Variants in E2F5 observed in about 807,000 individuals in gnomAD.
E2F5 encodes the protein transcription factor E2F5.
Under a neutral mutation model 39.1 loss-of-function variants are expected in E2F5, and 23 were observed. That is an observed-to-expected ratio of 0.59 (90% CI 0.42 to 0.83). E2F5 has a LOEUF of 0.83. Ranked by LOEUF, E2F5 falls within the 40% of genes least tolerant of loss-of-function variation. E2F5 has a pLI of 0.00. For missense variants in E2F5, 365 were observed against 406.7 expected, an observed-to-expected ratio of 0.90 and a Z score of 0.88; for synonymous variants, 145 against 157.8, an observed-to-expected ratio of 0.92 and a Z score of 0.61.
rs375685800 is a variant in E2F5, at chr8:85,186,570, G to GGT, written c.234+8925_234+8926dup. 5.2e-3 allele frequency among the ~76,000 whole-genome samples: 771 copies of GGT among 147,202 alleles called. 1 individual carries two copies. The highest frequency in any genetic ancestry group is 8.3e-3 in the Non-Finnish European group (554 of 67,098). ...TGGTATATACATAAGGTATATATAT[G>GGT]GTGTGTGTGTATATATATGATATAT... On this transcript the variant is annotated intron_variant, in intron 1 of 7. Coordinates refer to ENST00000416274, the MANE Select transcript of E2F5 (RefSeq NM_001951.4).
Position 85,203,259 on chromosome 8 carries a change from T to C in E2F5, c.506+4T>C. ...TGGACGATTCCATTAATAATAGATATCCTTTTAAATAAGTTATGCATATAC... is the reference window on the plus strand; with the variant it reads ...TGGACGATTCCATTAATAATAGATACCCTTTTAAATAAGTTATGCATATAC... On this transcript the variant is annotated splice_donor_region_variant and intron_variant, in intron 3 of 7. Coordinates refer to ENST00000416274, the MANE Select transcript of E2F5 (RefSeq NM_001951.4). The C allele has an allele frequency of 1.9e-6, 3 of 1,585,632 alleles. No individual in the cohort carries two copies. Among genetic ancestry groups the C allele is most frequent in the Non-Finnish European group, 2.6e-6 (3 of 1,166,830 alleles).
At chr8:85,207,608 T>C (rs1304800852) in intron 5 of E2F5, 119 bp downstream of exon 5, 1 of 734,672 alleles carries the variant, frequency 1.4e-6, no homozygotes, top group Non-Finnish European at 2.1e-6. Flanking sequence ...AGTCAAGTTT[T>C]TATCTAAAAG....
At chr8:85,177,686 T>C (rs1812115172) in intron 1 of E2F5, 32 bp downstream of exon 1, 1 of 1,249,624 alleles carries the variant, frequency 8.0e-7, no homozygotes, top group Non-Finnish European at 1.0e-6. Context: ...GGGGGCGGAC[T>C]TCGGAACCCG....
chr8:85,183,852 T>C (rs1458252480), intron 1 of E2F5, among the ~76,000 whole-genome samples: 2 of 152,134 alleles, frequency 1.3e-5, no homozygotes, highest in Non-Finnish European at 2.9e-5. Context: ...TGTGATTGTA[T>C]TTGGGGATAG....
At chr8:85,199,121 C>A (rs369901534) in intron 1 of E2F5, among the ~76,000 whole-genome samples, 1 of 152,092 alleles carries the variant, frequency 6.6e-6, no homozygotes, top group Non-Finnish European at 1.5e-5. Flanking sequence ...TTATTGCCAT[C>A]GCCATCTTGT....
chr8:85,187,738 C>G (rs1361838162), intron 1 of E2F5: 1 of 152,156 alleles, frequency 6.6e-6, no homozygotes, highest in Non-Finnish European at 1.5e-5. Flanking sequence ...ATCCATTTAA[C>G]TACTTTGCCT....
intron 6 of E2F5, among the ~76,000 whole-genome samples, chr8:85,209,790 G>C (rs559364743): frequency 6.6e-6 from 1 of 152,154 alleles, no homozygotes; most frequent in South Asian, 2.1e-4. Flanking sequence ...CTCTTAGTAA[G>C]TCTAGGATAA....
chr8:85,194,966 A>C (rs916665466), intron 1 of E2F5, among the ~76,000 whole-genome samples: 4 of 152,064 alleles, frequency 2.6e-5, no homozygotes, highest in Non-Finnish European at 4.4e-5. Flanking sequence ...CAATATCTTC[A>C]TAGTTATCTT....
Sources: gnomAD v4.1 joint callset for allele counts (sites outside exome capture counted in the v4.1 genomes callset) on GRCh38, gnomAD v4.1.1 for gene constraint, MANE v1.5 for transcripts, NCBI Gene and HGNC (gene_info 2026-07-23, HGNC 2026-07-21) for gene names.